The following OSBPL6 variants were observed in gnomAD, a reference collection of about 807,000 sequenced individuals.
OSBPL6 encodes the protein oxysterol-binding protein-related protein 6.
A neutral mutation model predicts 125.8 loss-of-function variants in OSBPL6; 49 were observed. The observed-to-expected ratio is 0.39, with a 90% CI of 0.31 to 0.49. The LOEUF (loss-of-function observed/expected upper bound fraction) is 0.49, where lower values mean the gene tolerates loss of function less well. OSBPL6 is among the 20% of genes least tolerant of loss of function. The pLI is 0.88. For synonymous variants in OSBPL6, 394 were observed against 391.8 expected, an observed-to-expected ratio of 1.01 and a Z score of -0.07; for missense variants, 986 against 1,135.4, an observed-to-expected ratio of 0.87 and a Z score of 1.89.
intron 1 of OSBPL6, among the ~76,000 whole-genome samples, chr2:178,196,418 T>C (rs1318582048): frequency 4.6e-5 from 7 of 152,210 alleles, no homozygotes; most frequent in Non-Finnish European, 8.8e-5. Flanking sequence ...GCAATGTTGA[T>C]AACGCCATTA....
chr2:178,332,282 A>T (rs1197860270), intron 6 of OSBPL6, among the ~76,000 whole-genome samples: 2 of 152,184 alleles, frequency 1.3e-5, no homozygotes, highest in East Asian at 3.9e-4. Context: ...TTACTCAGGG[A>T]TGTTCTGGGT....
In OSBPL6 at chr2:178,237,360, T is replaced by TGTTTC. The variant is rs575309962; in HGVS notation, c.-351+42690_-351+42691insCGTTT. Among the ~76,000 whole-genome samples, 90 of 152,086 alleles carry TGTTTC rather than the reference T, an allele frequency of 5.9e-4. 2 individuals carry two copies. The South Asian group carries it at 0.011, about 18-fold the overall frequency. On this transcript the variant is annotated intron_variant, in intron 1 of 24. Transcript: ENST00000190611. Reference sequence around the variant, plus strand: ...CTCAATTTGTTTTTTTGTTTTGTTTTGTTTTTGTCTCAAATTCTCTGCATT... The same window carrying TGTTTC: ...CTCAATTTGTTTTTTTGTTTTGTTTTGTTTCGTTTTTGTCTCAAATTCTCTGCATT...
intron 2 of OSBPL6, among the ~76,000 whole-genome samples, chr2:178,288,641 CT>C (rs777799582): frequency 3.2e-3 from 438 of 138,278 alleles, no homozygotes; most frequent in Middle Eastern, 7.5e-3. Flanking sequence ...GGAAAAGGGA[CT>C]TTTTTTTTTT....
intron 21 of OSBPL6, among the ~76,000 whole-genome samples, chr2:178,390,451 G>A (rs1441161029): frequency 6.6e-6 from 1 of 152,214 alleles, no homozygotes; most frequent in East Asian, 1.9e-4. Context: ...ACCTAAAGGT[G>A]CACACGCTGG....
chr2:178,268,574 C>G (rs1448785768), intron 1 of OSBPL6, among the ~76,000 whole-genome samples: 1 of 152,194 alleles, frequency 6.6e-6, no homozygotes, highest in African/African-American at 2.4e-5. Context: ...ATTCTGATTG[C>G]TGTCACCACA....
chr2:178,271,485 A>G (rs1574701366), intron 1 of OSBPL6, among the ~76,000 whole-genome samples: 1 of 152,168 alleles, frequency 6.6e-6, no homozygotes, highest in East Asian at 1.9e-4. Flanking sequence ...TTTGCTTAAA[A>G]ACAAAACAAA....
intron 3 of OSBPL6, among the ~76,000 whole-genome samples, chr2:178,323,406 C>T (rs1688414719): frequency 6.6e-6 from 1 of 152,146 alleles, no homozygotes; most frequent in African/African-American, 2.4e-5. Flanking sequence ...GTTTTCTTCT[C>T]TGTGCGTTTT....
intron 22 of OSBPL6, 91 bp downstream of exon 22, chr2:178,391,308 A>G (rs1695385634): frequency 2.2e-6 from 3 of 1,351,184 alleles, no homozygotes; most frequent in Non-Finnish European, 2.0e-6. Flanking sequence ...AACTCACATT[A>G]TGTTTCCTTT....
chr2:178,323,212 T>C (rs1249379123), intron 3 of OSBPL6, among the ~76,000 whole-genome samples: 1 of 152,232 alleles, frequency 6.6e-6, no homozygotes, highest in Non-Finnish European at 1.5e-5. Context: ...TTGAATCTGA[T>C]GGGTAAAAGA....
At chr2:178,263,244 C>T (rs527895333) in intron 1 of OSBPL6, among the ~76,000 whole-genome samples, 75 of 152,222 alleles carry the variant, frequency 4.9e-4, no homozygotes, top group African/African-American at 1.7e-3. Context: ...TTTGGAAGGC[C>T]GAGATGGGCG....
chr2:178,397,429 T>C lies in OSBPL6; in HGVS notation c.*1870T>C, dbSNP rs753562548. 6.6e-6 allele frequency: 1 copy of C among 152,250 alleles called. No homozygotes were observed. Among genetic ancestry groups the C allele is most frequent in the Non-Finnish European group, 1.5e-5 (1 of 68,040 alleles). The allele number at this position is 152,250 out of a possible 1,614,324, so 9.4% of individuals were successfully genotyped here. On this transcript the variant is annotated 3_prime_UTR_variant, in exon 25 of 25. Transcript: ENST00000190611. ...CGGCAGTAAAATCTTCCCCTTGATA[T>C]TGATTCTTTTTCTGCTCATTCATCT...
chr2:178,202,819 C>CA (rs201542787), intron 1 of OSBPL6, among the ~76,000 whole-genome samples: 6,535 of 77,990 alleles, frequency 0.084, 168 homozygotes, highest in Non-Finnish European at 0.095. Context: ...GAGACTGTCT[C>CA]AAAAAAAAAA....
At chr2:178,231,593 A>G (rs572054367) in intron 1 of OSBPL6, among the ~76,000 whole-genome samples, 1 of 149,494 alleles carries the variant, frequency 6.7e-6, no homozygotes, top group African/African-American at 2.5e-5. Context: ...CTATACCAAT[A>G]TGAGCAGCCC....
At chr2:178,366,099 C>T (rs1692798416) in intron 13 of OSBPL6, among the ~76,000 whole-genome samples, 2 of 152,132 alleles carry the variant, frequency 1.3e-5, no homozygotes, top group African/African-American at 4.8e-5. Flanking sequence ...ACCATGTTGC[C>T]CAGGCTGGTC....
intron 1 of OSBPL6, among the ~76,000 whole-genome samples, chr2:178,268,668 G>T (rs968473961): frequency 6.6e-6 from 1 of 151,996 alleles, no homozygotes; most frequent in Non-Finnish European, 1.5e-5. Flanking sequence ...CCATGTTGTT[G>T]CATGCTGTTG....
At chr2:178,370,581 A>G (rs1693288743) in intron 13 of OSBPL6, among the ~76,000 whole-genome samples, 1 of 152,164 alleles carries the variant, frequency 6.6e-6, no homozygotes, top group East Asian at 1.9e-4. Flanking sequence ...CTTTTTCAGG[A>G]TGAAAAGATA....
chr2:178,219,714 C>T (rs981947652), intron 1 of OSBPL6, among the ~76,000 whole-genome samples: 7 of 152,208 alleles, frequency 4.6e-5, no homozygotes, highest in African/African-American at 1.2e-4. Flanking sequence ...CAACTAATTA[C>T]GTGCTGTTAA....
intron 1 of OSBPL6, among the ~76,000 whole-genome samples, chr2:178,244,201 C>T (rs1426404794): frequency 1.3e-5 from 2 of 152,148 alleles, no homozygotes; most frequent in East Asian, 3.8e-4. Flanking sequence ...CATGCTACTC[C>T]CTCTGTCTGG....
At chr2:178,328,519 A>C in intron 5 of OSBPL6, 141 bp downstream of exon 5, 2 of 987,406 alleles carry the variant, frequency 2.0e-6, no homozygotes, top group Non-Finnish European at 2.9e-6. Flanking sequence ...ACAGATTCTC[A>C]CTCTGTTACC....
Sources: gnomAD v4.1 joint callset for allele counts (sites outside exome capture counted in the v4.1 genomes callset) on GRCh38, gnomAD v4.1.1 for gene constraint, MANE v1.5 for transcripts, NCBI Gene and HGNC (gene_info 2026-07-23, HGNC 2026-07-21) for gene names.